ZBTB8A: variants seen among roughly 807,000 people sequenced by gnomAD.
ZBTB8A encodes zinc finger and BTB domain-containing protein 8A.
In ZBTB8A, 19 loss-of-function variants were observed where a neutral mutation model predicts 37.8. The ratio of observed to expected loss-of-function variants is 0.50; its 90% CI spans 0.35 to 0.74. The LOEUF (loss-of-function observed/expected upper bound fraction) is 0.74, where lower values mean the gene tolerates loss of function less well. Among genes scored for constraint, ZBTB8A ranks in the 30% least tolerant of loss-of-function variants. ZBTB8A has a pLI of 0.01. For synonymous variants in ZBTB8A, 181 were observed against 185.2 expected (o/e 0.98, Z 0.19); for missense variants, 394 against 537.8 (o/e 0.73, Z 2.65).
At chr1:32,590,800 AG>A (rs1557716273) in intron 2 of ZBTB8A, among the ~76,000 whole-genome samples, 2 of 152,144 alleles carry the variant, frequency 1.3e-5, no homozygotes. Context: ...AGTCTAAACT[AG>A]GATACTACTC....
At chr1:32,580,861 A>AC (rs1644397955) in intron 2 of ZBTB8A, among the ~76,000 whole-genome samples, 1 of 151,750 alleles carries the variant, frequency 6.6e-6, no homozygotes, top group East Asian at 1.9e-4. Context: ...GCAAGGAAGC[A>AC]CAGGAGCAAC....
At chr1:32,577,878 TG>T (rs1644374968) in intron 2 of ZBTB8A, among the ~76,000 whole-genome samples, 1 of 151,708 alleles carries the variant, frequency 6.6e-6, no homozygotes, top group Non-Finnish European at 1.5e-5. Flanking sequence ...CCACTTCACT[TG>T]GCCCAGATAC....
At chr1:32,567,053 A>C (rs1439483813) in intron 2 of ZBTB8A, among the ~76,000 whole-genome samples, 1 of 152,198 alleles carries the variant, frequency 6.6e-6, no homozygotes, top group African/African-American at 2.4e-5. Flanking sequence ...GAACTCCCTA[A>C]GACTGTGTAA....
chr1:32,554,660 G>C (rs1644186279), intron 2 of ZBTB8A, among the ~76,000 whole-genome samples: 1 of 151,882 alleles, frequency 6.6e-6, no homozygotes. Context: ...TGTATTTTTA[G>C]TAGAGACTGG....
At chr1:32,562,969 A>G (rs1485826561) in intron 2 of ZBTB8A, among the ~76,000 whole-genome samples, 1 of 152,172 alleles carries the variant, frequency 6.6e-6, no homozygotes, top group Admixed American at 6.6e-5. Context: ...ATTATAAGAC[A>G]TGTCCACAGA....
At chr1:32,547,828 C>CAAAAAAAAAAAAAAAAAAAAA (rs1194254576) in intron 1 of ZBTB8A, among the ~76,000 whole-genome samples, 3 of 30,478 alleles carry the variant, frequency 9.8e-5, no homozygotes, top group African/African-American at 1.4e-4. Flanking sequence ...ACAAACAAAG[C>CAAAAAAAAAAAAAAAAAAAAA]AAAAAAAAAA....
intron 2 of ZBTB8A, among the ~76,000 whole-genome samples, chr1:32,584,508 C>CTTTTTTTTTTTTTTTTTTT (rs1177778440): frequency 4.2e-5 from 5 of 117,876 alleles, no homozygotes; most frequent in African/African-American, 9.5e-5. Flanking sequence ...TTCTTTCTTT[C>CTTTTTTTTTTTTTTTTTTT]TTTTTTTTTT....
intron 2 of ZBTB8A, among the ~76,000 whole-genome samples, chr1:32,578,459 C>T (rs1294760299): frequency 2.0e-5 from 3 of 151,808 alleles, no homozygotes; most frequent in South Asian, 2.1e-4. Flanking sequence ...GTGATCCGCC[C>T]GCCTTGGCCT....
chr1:32,540,365 C>G (rs1479979037), intron 1 of ZBTB8A, among the ~76,000 whole-genome samples: 1 of 152,160 alleles, frequency 6.6e-6, no homozygotes, highest in East Asian at 1.9e-4. Context: ...TAACCACACA[C>G]GTCAATATCA....
Position 32,592,959 on chromosome 1 carries a change from C to A in ZBTB8A, c.28C>A (p.Leu10Ile), listed in dbSNP as rs767886458. The A allele has an allele frequency of 1.2e-6, 2 of 1,613,030 alleles. No homozygotes were observed. Among genetic ancestry groups the A allele is most frequent in the Admixed American group, 3.3e-5 (2 of 59,942 alleles). The change falls in exon 3 of 5, where the codon CTC becomes ATC. Residue 10 changes from leucine to isoleucine, a missense_variant. Physicochemically the swap from Leu to Ile is conservative, Grantham distance 5 (BLOSUM62 2). Coordinates refer to ENST00000373510, the MANE Select transcript of ZBTB8A (RefSeq NM_001040441.3). ...GGAGATCTCCTCTCATCAGTCTCAC[C>A]TCCTGCAGCAACTGAACGAGCAGCG... MEISSHQSH[L>I]LQQLNEQRRQ...
rs1644594114 is a variant in ZBTB8A at position 32,603,572 on chromosome 1, AT to A, written c.*3156del. 1 of 152,636 alleles carries A rather than the reference AT, an allele frequency of 6.6e-6. No individual in the cohort carries two copies. Among genetic ancestry groups the A allele is most frequent in the South Asian group, 2.1e-4 (1 of 4,836 alleles). 9.5% of individuals were successfully genotyped at this position (152,636 alleles called of 1,614,324 possible). On this transcript the variant is annotated 3_prime_UTR_variant, in exon 5 of 5. Transcript: ENST00000373510. ...TTGGAGCCAGTAGGAAAAATGGCTG[AT>A]TTGAACTTTTTTCCTATAAATGAAG...
rs1276223159 is a variant in ZBTB8A at position 32,601,630 on chromosome 1, A to G, written c.*1211A>G. On this transcript the variant is annotated 3_prime_UTR_variant, in exon 5 of 5. Coordinates refer to ENST00000373510, the MANE Select transcript of ZBTB8A (RefSeq NM_001040441.3). ...TTACAAATGAGGAAATTAAGGTCAG[A>G]AAGTCTGAGAGAGAAAACTGATGAT... The G allele has an allele frequency of 5.0e-6, 2 of 398,586 alleles. No individual in the cohort carries two copies. Among genetic ancestry groups the G allele is most frequent in the Admixed American group, 4.4e-5 (1 of 22,722 alleles). The allele number at this position is 398,586 out of a possible 1,614,324, so 24.7% of individuals were successfully genotyped here.
At chr1:32,588,158 C>A (rs1336429500) in intron 2 of ZBTB8A, among the ~76,000 whole-genome samples, 5 of 152,028 alleles carry the variant, frequency 3.3e-5, no homozygotes, top group African/African-American at 1.2e-4. Context: ...GCTACTCTAG[C>A]AAATTAATCA....
intron 2 of ZBTB8A, among the ~76,000 whole-genome samples, chr1:32,590,660 G>A (rs1166311158): frequency 1.3e-5 from 2 of 152,092 alleles, no homozygotes; most frequent in Non-Finnish European, 2.9e-5. Flanking sequence ...ATTCGTGGCA[G>A]GAAAGTTTTC....
intron 2 of ZBTB8A, among the ~76,000 whole-genome samples, chr1:32,554,198 CAA>C (rs1017025736): frequency 2.7e-3 from 134 of 50,182 alleles, no homozygotes; most frequent in Admixed American, 8.4e-3. Flanking sequence ...AGACTGTCTC[CAA>C]AAAAAAAAAA....
In ZBTB8A at chr1:32,605,771, A is replaced by G. The variant is rs1407376751; in HGVS notation, c.*5352A>G. ...CAGTGAAATGGTAGCAAAAAATAGGAAATATAATGATCACATTTTCTGAAT... is the reference window on the plus strand; with the variant it reads ...CAGTGAAATGGTAGCAAAAAATAGGGAATATAATGATCACATTTTCTGAAT... On this transcript the variant is annotated 3_prime_UTR_variant, in exon 5 of 5. Transcript: ENST00000373510. 1.3e-5 allele frequency: 2 copies of G among 151,942 alleles called. No individual in the cohort carries two copies. The highest frequency in any genetic ancestry group is 2.9e-5 in the Non-Finnish European group (2 of 68,004). 9.4% of individuals were successfully genotyped at this position (151,942 alleles called of 1,614,324 possible).
At chr1:32,569,566 G>C (rs1404817699) in intron 2 of ZBTB8A, among the ~76,000 whole-genome samples, 1 of 151,198 alleles carries the variant, frequency 6.6e-6, no homozygotes, top group Non-Finnish European at 1.5e-5. Flanking sequence ...GCTAATTTTT[G>C]TATTTTTAGT....
In ZBTB8A at chr1:32,588,361, C is replaced by T. The variant is rs139398505; in HGVS notation, c.-1-4570C>T. On this transcript the variant is annotated intron_variant, in intron 2 of 4. Transcript: ENST00000373510. ...GAGTTACAGGACAACTCGCTGGTGT[C>T]GGTGCAGAGCTGATTGCTTGCTTGG... Among the ~76,000 whole-genome samples the T allele has an allele frequency of 2.5e-3, 378 of 151,994 alleles. 1 individual carries two copies. Among genetic ancestry groups the T allele is most frequent in the Non-Finnish European group, 4.2e-3 (284 of 68,012 alleles).
intron 2 of ZBTB8A, among the ~76,000 whole-genome samples, chr1:32,580,144 T>C (rs1364585973): frequency 6.6e-6 from 1 of 152,054 alleles, no homozygotes; most frequent in African/African-American, 2.4e-5. Flanking sequence ...GATTGAAGAA[T>C]CACTTGAGCC....
Sources: allele counts gnomAD v4.1 joint callset (sites outside exome capture counted in the v4.1 genomes callset), GRCh38; gene constraint gnomAD v4.1.1; transcripts MANE v1.5; gene names NCBI Gene and HGNC (gene_info 2026-07-23, HGNC 2026-07-21).